HS1BP3: variants seen among roughly 807,000 people sequenced by gnomAD.
HS1BP3 encodes HCLS1 binding protein 3.
HS1BP3 carries 32 observed loss-of-function variants against 33.5 expected under a neutral mutation model. That is an observed-to-expected ratio of 0.95 (90% confidence interval 0.72 to 1.28). The LOEUF (loss-of-function observed/expected upper bound fraction) is 1.28, where lower values mean the gene tolerates loss of function less well. HS1BP3 is among the 50% of genes most tolerant of loss of function. The probability of loss-of-function intolerance (pLI) is 0.00; values close to 1 mark genes in which losing one functional copy is unlikely to be tolerated. For missense variants in HS1BP3, 486 were observed against 502.3 expected, an observed-to-expected ratio of 0.97 and a Z score of 0.31; for synonymous variants, 187 against 209.2, an observed-to-expected ratio of 0.89 and a Z score of 0.92.
At chr2:20,594,356 GGGTCTGAAATGAGTGGCT>G (rs1558327069) in intron 3 of HS1BP3, among the ~76,000 whole-genome samples, 2 of 152,208 alleles carry the variant, frequency 1.3e-5, no homozygotes, top group African/African-American at 2.4e-5. Flanking sequence ...GGAGGTGAAT[GGGTCTGAAATGAGTGGCT>G]GATGGCATCA....
intron 3 of HS1BP3, among the ~76,000 whole-genome samples, chr2:20,594,590 T>A (rs1693902974): frequency 6.6e-6 from 1 of 152,136 alleles, no homozygotes; most frequent in African/African-American, 2.4e-5. Flanking sequence ...TGGCTCAGGA[T>A]TTGCAGCAAC....
At chr2:20,641,245 C>CTGGTCGGGGTGAGAAA in intron 2 of HS1BP3, 65 bp from the exon 3 acceptor site, 2 of 1,449,516 alleles carry the variant, frequency 1.4e-6, no homozygotes, top group Non-Finnish European at 1.9e-6. Flanking sequence ...TTTCTCACCC[C>CTGGTCGGGGTGAGAAA]GACCAGGGGT....
At position 20,624,747 on chromosome 2, in the gene HS1BP3, C is replaced by G; in HGVS notation, c.769G>C (p.Val257Leu). 2.5e-6 allele frequency: 4 copies of G among 1,602,062 alleles called. No individual in the cohort carries two copies. Among genetic ancestry groups the G allele is most frequent in the Non-Finnish European group, 3.4e-6 (4 of 1,172,986 alleles). ...CTCTACTTACGGTCCACGGATGACA[C>G]GTCCTCCGAGGGGTCCTGTGGAGAC... ...KLSPQDPSED[V>L]SSVDPLKLFD... Residue 257 changes from valine to leucine, a missense_variant, in exon 5 of 7, where the codon GTG becomes CTG. By Grantham distance (32) the Val-to-Leu change is conservative (BLOSUM62 1). Transcript: ENST00000304031.
chr2:20,587,701 G>T (rs1168155765), downstream of HS1BP3, among the ~76,000 whole-genome samples: 1 of 152,022 alleles, frequency 6.6e-6, no homozygotes, highest in African/African-American at 2.4e-5. Context: ...AGCTGAGATC[G>T]CACTACTGCA....
chr2:20,626,045 T>C (rs1048089611), intron 4 of HS1BP3, among the ~76,000 whole-genome samples: 3 of 152,234 alleles, frequency 2.0e-5, no homozygotes, highest in African/African-American at 7.2e-5. Flanking sequence ...GCAGTTCCAC[T>C]GGACTGAGGT....
At chr2:20,554,131 C>T in the HS1BP3 span, among the ~76,000 whole-genome samples, 2 of 152,328 alleles carry the variant, frequency 1.3e-5, no homozygotes, top group East Asian at 1.9e-4. Flanking sequence ...TTATAATAAG[C>T]AGGAACTATG....
intron 4 of HS1BP3, among the ~76,000 whole-genome samples, chr2:20,628,862 CTG>C (rs892891169): frequency 9.2e-5 from 14 of 152,108 alleles, no homozygotes; most frequent in South Asian, 4.1e-4. Context: ...TAGGACATAA[CTG>C]GGAACCCAGA....
chr2:20,617,279 C>T (rs35264816), downstream of HS1BP3, among the ~76,000 whole-genome samples: 35,632 of 152,032 alleles, frequency 0.23, 4,941 homozygotes, highest in Non-Finnish European at 0.32. Flanking sequence ...ATGCAGGGCC[C>T]GGGGCTGAGT....
chr2:20,606,722 CAT>C (rs1359680757), intron 2 of HS1BP3: 5 of 248,110 alleles, frequency 2.0e-5, no homozygotes, highest in African/African-American at 9.0e-5. Flanking sequence ...AGACACTGAA[CAT>C]ATTTTCATGT....
intron 5 of HS1BP3, among the ~76,000 whole-genome samples, chr2:20,576,831 G>A (rs1237055984): frequency 1.3e-5 from 2 of 152,196 alleles, no homozygotes; most frequent in Non-Finnish European, 2.9e-5. Context: ...GGACTATGCA[G>A]GCTGAAGTTT....
chr2:20,579,561 C>T (rs1377453964), intron 5 of HS1BP3, among the ~76,000 whole-genome samples: 6 of 152,230 alleles, frequency 3.9e-5, no homozygotes, highest in East Asian at 1.9e-4. Flanking sequence ...GGAAGCCCCC[C>T]GGCATACCAG....
chr2:20,558,283 C>A (rs554287828), downstream of HS1BP3, among the ~76,000 whole-genome samples: 1 of 152,034 alleles, frequency 6.6e-6, no homozygotes, highest in African/African-American at 2.4e-5. Context: ...TGGAAGGGGT[C>A]GCCAGATGGG....
intron 4 of HS1BP3, chr2:20,636,046 G>C (rs778322560): frequency 6.6e-6 from 1 of 151,974 alleles, no homozygotes; most frequent in Non-Finnish European, 1.5e-5. Context: ...AATGGTGGCC[G>C]CTCCAGGAGA....
At chr2:20,569,054 A>G (rs561716334) in intron 5 of HS1BP3, among the ~76,000 whole-genome samples, 1 of 152,260 alleles carries the variant, frequency 6.6e-6, no homozygotes, top group South Asian at 2.1e-4. Flanking sequence ...TAGGAATGAC[A>G]TGATCAGCAG....
intron 4 of HS1BP3, among the ~76,000 whole-genome samples, chr2:20,626,080 C>T (rs1295237799): frequency 1.3e-5 from 2 of 152,194 alleles, no homozygotes; most frequent in Admixed American, 6.5e-5. Context: ...ACCATCTGAG[C>T]TCATGTTGGT....
At chr2:20,576,173 A>T (rs897159418) in intron 5 of HS1BP3, among the ~76,000 whole-genome samples, 2 of 151,996 alleles carry the variant, frequency 1.3e-5, no homozygotes, top group Non-Finnish European at 2.9e-5. Context: ...TAGAGATAGG[A>T]TCTCACCGTG....
rs1035189520 is a variant in HS1BP3, at chr2:20,618,759, G to A, written c.*228C>T. The A allele has an allele frequency of 1.1e-5, 15 of 1,343,112 alleles. No homozygotes were observed. The highest frequency in any genetic ancestry group is 2.0e-5 in the South Asian group (1 of 49,948). 83.2% of individuals were successfully genotyped at this position (1,343,112 alleles called of 1,614,324 possible). ...ATGTCCACGGGGAATAAGACACATT[G>A]GGCTCTGGCTCCTAGGGTGAGAGCC... On this transcript the variant is annotated 3_prime_UTR_variant, in exon 7 of 7. Transcript: ENST00000304031.
chr2:20,568,026 C>T (rs1693178264), intron 5 of HS1BP3, among the ~76,000 whole-genome samples: 1 of 152,186 alleles, frequency 6.6e-6, no homozygotes, highest in African/African-American at 2.4e-5. Flanking sequence ...TGGTCTCGCT[C>T]AGTGCCTCAG....
At chr2:20,610,109 AG>A (rs1326931629) in intron 2 of HS1BP3, among the ~76,000 whole-genome samples, 1 of 152,126 alleles carries the variant, frequency 6.6e-6, no homozygotes, top group Non-Finnish European at 1.5e-5. Context: ...GAGAGTACAA[AG>A]TCCCCACATG....
Sources: gnomAD v4.1 joint callset for allele counts (sites outside exome capture counted in the v4.1 genomes callset) on GRCh38, gnomAD v4.1.1 for gene constraint, MANE v1.5 for transcripts, NCBI Gene and HGNC (gene_info 2026-07-23, HGNC 2026-07-21) for gene names.